The following CCDC192 variants were observed in gnomAD, a reference collection of about 807,000 sequenced individuals.
CCDC192 encodes coiled-coil domain-containing protein 192.
chr5:127,825,429 C>G (rs568604568), intron 5 of CCDC192, among the ~76,000 whole-genome samples: 1 of 152,328 alleles, frequency 6.6e-6, no homozygotes, highest in African/African-American at 2.4e-5. Context: ...TGATGCAAGA[C>G]TGGAACCTCT....
intron 2 of CCDC192, among the ~76,000 whole-genome samples, chr5:127,720,231 T>TG (rs1392990541): frequency 2.6e-5 from 4 of 152,152 alleles, no homozygotes; most frequent in Admixed American, 2.6e-4. Flanking sequence ...GTACTGGCAT[T>TG]GGGTAAATAC....
At chr5:127,808,120 GA>G (rs1757893934) in intron 5 of CCDC192, among the ~76,000 whole-genome samples, 1 of 152,108 alleles carries the variant, frequency 6.6e-6, no homozygotes. Context: ...TTATTCCATG[GA>G]TGCATTTTTG....
intron 3 of CCDC192, 123 bp downstream of exon 3, chr5:127,754,498 CA>C: frequency 2.9e-6 from 1 of 349,872 alleles, no homozygotes. Context: ...CACACATACA[CA>C]CACACACACA....
chr5:127,783,293 A>C (rs111246660), intron 3 of CCDC192, among the ~76,000 whole-genome samples: 1 of 152,120 alleles, frequency 6.6e-6, no homozygotes, highest in Non-Finnish European at 1.5e-5. Context: ...TGCACCCAGC[A>C]TCCCAGAGGT....
At chr5:127,784,263 C>T (rs1221976519) in intron 3 of CCDC192, among the ~76,000 whole-genome samples, 1 of 152,182 alleles carries the variant, frequency 6.6e-6, no homozygotes, top group Non-Finnish European at 1.5e-5. Context: ...TTCAGACTTG[C>T]TCTCAAAGTG....
chr5:127,807,100 G>A lies in CCDC192; in HGVS notation c.411+8938G>A, dbSNP rs572107637. ...CCCCATATAGTTTTTTGGAGGTTAC[G>A]TAAAGTTGTGAAGTGAGATAATTCA... On this transcript the variant is annotated intron_variant, in intron 5 of 6. Transcript: ENST00000514853. 2.6e-5 allele frequency among the ~76,000 whole-genome samples: 4 copies of A among 152,282 alleles called. No individual in the cohort carries two copies. The East Asian group carries it at 7.7e-4, about 29-fold the overall frequency.
chr5:127,796,575 G>A (rs1757179162), intron 3 of CCDC192, among the ~76,000 whole-genome samples: 2 of 152,226 alleles, frequency 1.3e-5, no homozygotes, highest in South Asian at 4.2e-4. Flanking sequence ...TTTTTTGGTT[G>A]TGGCTTAGCA....
intron 5 of CCDC192, among the ~76,000 whole-genome samples, chr5:127,833,785 C>T (rs527789332): frequency 6.6e-6 from 1 of 152,078 alleles, no homozygotes; most frequent in Non-Finnish European, 1.5e-5. Context: ...GTATAAAAAA[C>T]AATTCAGTTA....
At chr5:127,917,569 G>A (rs1753559414) in intron 6 of CCDC192, among the ~76,000 whole-genome samples, 1 of 152,092 alleles carries the variant, frequency 6.6e-6, no homozygotes, top group East Asian at 1.9e-4. Flanking sequence ...TTTTAATATT[G>A]TTGTGTCTTA....
intron 6 of CCDC192, among the ~76,000 whole-genome samples, chr5:127,913,385 T>C (rs1161573132): frequency 6.6e-6 from 1 of 152,248 alleles, no homozygotes; most frequent in Non-Finnish European, 1.5e-5. Context: ...TCTTCATTGT[T>C]GGCCACCTTA....
At chr5:127,794,084 G>A (rs1411943892) in intron 3 of CCDC192, among the ~76,000 whole-genome samples, 1 of 152,170 alleles carries the variant, frequency 6.6e-6, no homozygotes, top group African/African-American at 2.4e-5. Context: ...GTGACAGAGG[G>A]TGCCTCTCCA....
chr5:127,836,120 C>T (rs1314980566), intron 5 of CCDC192, among the ~76,000 whole-genome samples: 3 of 152,180 alleles, frequency 2.0e-5, no homozygotes, highest in Admixed American at 2.0e-4. Context: ...GATAAATGCT[C>T]CCATTCCAAA....
intron 5 of CCDC192, among the ~76,000 whole-genome samples, chr5:127,861,255 G>C (rs1751349861): frequency 6.6e-6 from 1 of 151,454 alleles, no homozygotes; most frequent in African/African-American, 2.4e-5. Context: ...TGATCCGCCT[G>C]CCTCGGCCTC....
chr5:127,738,185 T>C (rs1423819226), intron 2 of CCDC192, among the ~76,000 whole-genome samples: 5 of 151,404 alleles, frequency 3.3e-5, no homozygotes, highest in Non-Finnish European at 2.9e-5. Context: ...CTCCTTCACT[T>C]ATGAAGCTTA....
At chr5:127,922,381 C>T (rs898990405) in intron 6 of CCDC192, among the ~76,000 whole-genome samples, 6 of 152,198 alleles carry the variant, frequency 3.9e-5, no homozygotes, top group African/African-American at 1.2e-4. Flanking sequence ...TTCATTCACT[C>T]GTCTTCCTGA....
At chr5:127,832,569 G>GA (rs1301692515) in intron 5 of CCDC192, among the ~76,000 whole-genome samples, 3 of 152,026 alleles carry the variant, frequency 2.0e-5, no homozygotes, top group Non-Finnish European at 2.9e-5. Context: ...CAAAAACACA[G>GA]AAAAAATTAC....
intron 3 of CCDC192, among the ~76,000 whole-genome samples, chr5:127,770,296 A>G (rs964570366): frequency 3.9e-5 from 6 of 152,198 alleles, no homozygotes; most frequent in Non-Finnish European, 8.8e-5. Flanking sequence ...TTTCTATAAT[A>G]TAACTGCAGT....
intron 2 of CCDC192, 139 bp from the exon 3 acceptor site, chr5:127,754,129 A>G (rs1754419898): frequency 2.6e-6 from 1 of 389,572 alleles, no homozygotes. Flanking sequence ...CCATGTTAAG[A>G]AAAGGGGAGG....
At chr5:127,934,753 T>G (rs1754141788) in intron 6 of CCDC192, among the ~76,000 whole-genome samples, 1 of 152,166 alleles carries the variant, frequency 6.6e-6, no homozygotes, top group African/African-American at 2.4e-5. Context: ...TTTGTTTAGG[T>G]TTGTCAATTT....
Sources: allele counts gnomAD v4.1 joint callset (sites outside exome capture counted in the v4.1 genomes callset), GRCh38; gene constraint gnomAD v4.1.1; transcripts MANE v1.5; gene names NCBI Gene and HGNC (gene_info 2026-07-23, HGNC 2026-07-21).